Variants in TIGIT observed in about 807,000 individuals in gnomAD.
TIGIT encodes T-cell immunoreceptor with Ig and ITIM domains.
TIGIT carries 11 observed loss-of-function variants against 19.6 expected under a neutral mutation model. That is an observed-to-expected ratio of 0.56 (90% CI 0.35 to 0.93). The LOEUF (loss-of-function observed/expected upper bound fraction) is 0.93, where lower values mean the gene tolerates loss of function less well. Ranked by LOEUF, TIGIT falls within the 40% of genes least tolerant of loss-of-function variation. TIGIT has a pLI of 0.01. For synonymous variants in TIGIT, 130 were observed against 125.5 expected (o/e 1.04, Z -0.24); for missense variants, 295 against 303.9 (o/e 0.97, Z 0.22).
intron 3 of TIGIT, 155 bp from the exon 4 acceptor site, chr3:114,307,740 C>T (rs576157016): frequency 3.7e-5 from 25 of 677,598 alleles, no homozygotes; most frequent in South Asian, 5.6e-5. Flanking sequence ...AGCTGTAACG[C>T]GGTTGAGAAA....
intron 3 of TIGIT, among the ~76,000 whole-genome samples, chr3:114,304,026 CA>C (rs2078514657): frequency 6.6e-6 from 1 of 151,912 alleles, no homozygotes. Context: ...AGCATTTTTT[CA>C]TATGTTTGTT....
At chr3:114,301,044 A>G (rs557147251) in intron 3 of TIGIT, among the ~76,000 whole-genome samples, 5 of 152,330 alleles carry the variant, frequency 3.3e-5, no homozygotes, top group African/African-American at 1.2e-4. Context: ...CTTTATAAAT[A>G]ACAAAGAATT....
intron 3 of TIGIT, among the ~76,000 whole-genome samples, chr3:114,302,212 G>T (rs1297674330): frequency 6.6e-6 from 1 of 152,144 alleles, no homozygotes; most frequent in African/African-American, 2.4e-5. Context: ...CTTTGCATTG[G>T]CTGACCTCAA....
intron 3 of TIGIT, among the ~76,000 whole-genome samples, chr3:114,303,586 T>TAC (rs1167624819): frequency 3.7e-4 from 9 of 24,046 alleles, no homozygotes; most frequent in Non-Finnish European, 6.4e-4. Flanking sequence ...TATATATATA[T>TAC]ACATATATAT....
chr3:114,297,197 G>A (rs980262250), intron 2 of TIGIT, among the ~76,000 whole-genome samples: 1 of 152,126 alleles, frequency 6.6e-6, no homozygotes, highest in African/African-American at 2.4e-5. Flanking sequence ...GCCAAACAAA[G>A]ACTGGTTAAG....
rs766072812 is a variant in TIGIT at position 114,295,798 on chromosome 3, G to T, written c.315G>T (p.Glu105Asp). 6.2e-7 allele frequency: 1 copy of T among 1,614,054 alleles called. No individual in the cohort carries two copies. Among genetic ancestry groups the T allele is most frequent in the Non-Finnish European group, 8.5e-7 (1 of 1,180,030 alleles). Residue 105 changes from glutamate to aspartate, a missense_variant, in exon 2 of 4, where the codon GAG becomes GAT. Glu to Asp is a conservative substitution (Grantham distance 45). Coordinates refer to ENST00000383671, the MANE Select transcript of TIGIT (RefSeq NM_173799.4). ...LQSLTVNDTG[E>D]YFCIYHTYPD... ...CGCTGACCGTGAACGATACAGGGGA[G>T]TACTTCTGCATCTATCACACCTACC...
chr3:114,305,741 G>C (rs1391883369), intron 3 of TIGIT, among the ~76,000 whole-genome samples: 1 of 151,958 alleles, frequency 6.6e-6, no homozygotes, highest in East Asian at 1.9e-4. Context: ...CTGTACATTA[G>C]TTATGGGTCT....
intron 1 of TIGIT, among the ~76,000 whole-genome samples, chr3:114,294,348 C>T (rs569474215): frequency 1.4e-4 from 21 of 152,156 alleles, no homozygotes; most frequent in Admixed American, 5.9e-4. Flanking sequence ...TGCAGACTTC[C>T]GGGGTTGGAG....
intron 1 of TIGIT, 132 bp from the exon 2 acceptor site, chr3:114,295,413 G>A: frequency 2.8e-6 from 2 of 709,198 alleles, no homozygotes; most frequent in South Asian, 3.5e-5. Context: ...CTATGGAGGA[G>A]CAACAGGATG....
chr3:114,297,410 T>G (rs1023935846), intron 2 of TIGIT, among the ~76,000 whole-genome samples: 2 of 152,186 alleles, frequency 1.3e-5, no homozygotes, highest in African/African-American at 4.8e-5. Flanking sequence ...TTTATGCTAT[T>G]TATTGGTTCA....
Position 114,308,865 on chromosome 3 carries a change from A to G in TIGIT, c.*734A>G, listed in dbSNP as rs751995826. The stretch of plus-strand genomic sequence containing the variant: ...TAGGGAACTTGTAGGAAATTCTTGG[A>G]GCTGAAAGTCCCACAAAGAAGGCCC... On this transcript the variant is annotated 3_prime_UTR_variant, in exon 4 of 4. Coordinates refer to ENST00000383671, the MANE Select transcript of TIGIT (RefSeq NM_173799.4). The G allele has an allele frequency of 3.3e-5, 5 of 152,256 alleles. 1 individual carries two copies. The highest frequency in any genetic ancestry group is 7.3e-5 in the Non-Finnish European group (5 of 68,086). 9.4% of individuals were successfully genotyped at this position (152,256 alleles called of 1,614,324 possible).
chr3:114,295,253 G>A (rs895429762), intron 1 of TIGIT, among the ~76,000 whole-genome samples: 2 of 152,130 alleles, frequency 1.3e-5, no homozygotes, highest in Non-Finnish European at 2.9e-5. Context: ...GGGTGGGGAG[G>A]AGATGGGCTG....
intron 1 of TIGIT, 151 bp downstream of exon 1, chr3:114,294,273 A>T (rs967117881): frequency 1.6e-5 from 10 of 624,514 alleles, no homozygotes; most frequent in African/African-American, 3.7e-5. Context: ...GTGTACTCTT[A>T]TTTAAGAAAG....
Position 114,295,775 on chromosome 3 carries a change from C to T in TIGIT, c.292C>T (p.Leu98=), listed in dbSNP as rs1331063989. The part of the protein sequence containing the change: ...GPGLGLTLQS[L]TVNDTGEYFC... ...CGGCCTGGGCCTCACCCTCCAGTCG[C>T]TGACCGTGAACGATACAGGGGAGTA... The change falls in exon 2 of 4, where the codon CTG becomes TTG. Residue 98 remains leucine (L), a synonymous_variant. Coordinates refer to ENST00000383671, the MANE Select transcript of TIGIT (RefSeq NM_173799.4). 2 of 1,614,198 alleles carry T rather than the reference C, an allele frequency of 1.2e-6. No homozygotes were observed. The highest frequency in any genetic ancestry group is 1.3e-5 in the African/African-American group (1 of 75,044).
chr3:114,296,890 CTTTTTTTT>C (rs11289140), intron 2 of TIGIT, among the ~76,000 whole-genome samples: 17 of 112,884 alleles, frequency 1.5e-4, no homozygotes, highest in African/African-American at 5.2e-4. Context: ...AATGTTACTT[CTTTTTTTT>C]TTTTTTTTTT....
intron 3 of TIGIT, 22 bp downstream of exon 3, chr3:114,299,725 C>T (rs373179347): frequency 7.7e-5 from 119 of 1,545,202 alleles, no homozygotes; most frequent in African/African-American, 2.8e-4. Flanking sequence ...GGCTGCACAC[C>T]GCAGTCATGG....
chr3:114,309,080 C>G lies in TIGIT; in HGVS notation c.*949C>G, dbSNP rs1362852234. The G allele has an allele frequency of 3.9e-5, 6 of 152,192 alleles. No homozygotes were observed. Among genetic ancestry groups the G allele is most frequent in the Non-Finnish European group, 5.9e-5 (4 of 68,032 alleles). 9.4% of individuals were successfully genotyped at this position (152,192 alleles called of 1,614,324 possible). A position where few individuals can be genotyped will look rare whatever the true frequency, so the allele number is the denominator to read the frequency against. On this transcript the variant is annotated 3_prime_UTR_variant, in exon 4 of 4. Transcript: ENST00000383671. ...GGGAGCCAAGTCGTAGCATTTGGGCCTTGATCTACCTTTTCTGCATCAATA... is the reference window on the plus strand; with the variant it reads ...GGGAGCCAAGTCGTAGCATTTGGGCGTTGATCTACCTTTTCTGCATCAATA...
rs952875789 is a variant in TIGIT at position 114,309,863 on chromosome 3, A to T, written c.*1732A>T. 3.9e-5 allele frequency: 6 copies of T among 152,250 alleles called. No homozygotes were observed. Among genetic ancestry groups the T allele is most frequent in the Admixed American group, 6.5e-5 (1 of 15,284 alleles). The allele number at this position is 152,250 out of a possible 1,614,324, so 9.4% of individuals were successfully genotyped here. ...GACTGAGAGTTGGGTGTTATTTAAC[A>T]TAATTATGGTAATTGGGAAACATTT... On this transcript the variant is annotated 3_prime_UTR_variant, in exon 4 of 4. Coordinates refer to ENST00000383671, the MANE Select transcript of TIGIT (RefSeq NM_173799.4).
In TIGIT at chr3:114,308,218, CGTGT is replaced by C. The variant is rs35641088; in HGVS notation, c.*102_*105del. 75 of 825,246 alleles carry C rather than the reference CGTGT, an allele frequency of 9.1e-5. No individual in the cohort carries two copies. The highest frequency in any genetic ancestry group is 1.6e-4 in the Admixed American group (8 of 48,708). 51.1% of individuals were successfully genotyped at this position (825,246 alleles called of 1,614,324 possible). A position where few individuals can be genotyped will look rare whatever the true frequency, so the allele number is the denominator to read the frequency against. On this transcript the variant is annotated 3_prime_UTR_variant, in exon 4 of 4. Coordinates refer to ENST00000383671, the MANE Select transcript of TIGIT (RefSeq NM_173799.4). ...GCAGCTGTACTCTCCATCAGTGCTGCGTGTGTGTGTGTGTGTGTATGTGTGTGTG... is the reference window on the plus strand; with the variant it reads ...GCAGCTGTACTCTCCATCAGTGCTGCGTGTGTGTGTGTGTATGTGTGTGTG...
Sources: allele counts gnomAD v4.1 joint callset (sites outside exome capture counted in the v4.1 genomes callset), GRCh38; gene constraint gnomAD v4.1.1; transcripts MANE v1.5; gene names NCBI Gene and HGNC (gene_info 2026-07-23, HGNC 2026-07-21).